The following PCLO variants were observed in gnomAD, a reference collection of about 807,000 sequenced individuals.
PCLO encodes the protein protein piccolo.
Under a neutral mutation model 427.5 loss-of-function variants are expected in PCLO, and 82 were observed. That is an observed-to-expected ratio of 0.19 (90% CI 0.16 to 0.23). The LOEUF is 0.23. PCLO is among the 10% of genes least tolerant of loss of function. PCLO has a pLI of 1.00. For missense variants in PCLO, 6,239 were observed against 6,115.9 expected (o/e 1.02, Z -0.67); for synonymous variants, 2,357 against 2,155.4 (o/e 1.09, Z -2.59).
At chr7:82,989,480 T>G (rs1562902001) in intron 3 of PCLO, among the ~76,000 whole-genome samples, 1 of 152,086 alleles carries the variant, frequency 6.6e-6, no homozygotes, top group Non-Finnish European at 1.5e-5. Context: ...TGATTCAAAT[T>G]AATATATTTG....
rs761740099 is a variant in PCLO, at chr7:83,156,056, C to G, written c.585G>C (p.Val195=). 5 of 1,613,340 alleles carry G rather than the reference C, an allele frequency of 3.1e-6. No homozygotes were observed. The South Asian group carries it at 4.4e-5, about 14-fold the overall frequency. Residue 195 remains valine (V), a synonymous_variant, in exon 2 of 25, where the codon GTG becomes GTC. Transcript: ENST00000333891. The part of the protein sequence containing the change: ...SQEETTKKQK[V]VQKEQGKPEG... The stretch of plus-strand genomic sequence containing the variant: ...CAGGTTTTCCTTGCTCCTTCTGAAC[C>G]ACTTTTTGTTTCTTGGTGGTTTCTT...
chr7:83,044,032 A>G (rs1221429013), intron 3 of PCLO, among the ~76,000 whole-genome samples: 2 of 151,338 alleles, frequency 1.3e-5, no homozygotes. Context: ...TTAAAAAAGA[A>G]GTTTAATTGA....
chr7:82,876,477 C>CACACAT (rs1447315935), intron 10 of PCLO, among the ~76,000 whole-genome samples: 1 of 150,250 alleles, frequency 6.7e-6, no homozygotes, highest in Non-Finnish European at 1.5e-5. Context: ...CACACACACA[C>CACACAT]ACACACACAC....
chr7:82,954,894 A>T lies in PCLO; in HGVS notation c.6059T>A (p.Leu2020Ter), dbSNP rs2116448555. The change falls in exon 5 of 25, where the codon TTA becomes TAA. Residue 2020 changes from leucine to a stop codon, truncating the protein, a stop_gained. Transcript: ENST00000333891. LOFTEE classifies it high-confidence loss of function. Reference sequence around the variant, plus strand: ...ATCTTCCTGAGGCACAACAGAATGTAAGCTTTCTAACTCATAAAACTCTTT... The same window carrying T: ...ATCTTCCTGAGGCACAACAGAATGTTAGCTTTCTAACTCATAAAACTCTTT... ...LQKEFYELES[L>*]HSVVPQEDIV... The T allele has an allele frequency of 6.2e-7, 1 of 1,613,850 alleles. No homozygotes were observed. Among genetic ancestry groups the T allele is most frequent in the Middle Eastern group, 1.7e-4 (1 of 6,060 alleles).
At chr7:82,882,471 T>G (rs1793531925) in intron 9 of PCLO, among the ~76,000 whole-genome samples, 1 of 152,154 alleles carries the variant, frequency 6.6e-6, no homozygotes, top group Non-Finnish European at 1.5e-5. Flanking sequence ...CTTGTTCTTG[T>G]GTTCACAGTA....
At chr7:82,812,233 T>C (rs1291994417) in intron 20 of PCLO, among the ~76,000 whole-genome samples, 1 of 151,540 alleles carries the variant, frequency 6.6e-6, no homozygotes. Flanking sequence ...TTATCTGGCT[T>C]TATAGATAAT....
intron 22 of PCLO, among the ~76,000 whole-genome samples, chr7:82,769,833 CCT>C (rs1288445314): frequency 2.7e-4 from 41 of 152,078 alleles, no homozygotes; most frequent in African/African-American, 9.4e-4. Context: ...CAGTCTATCA[CCT>C]CATAATTTGT....
intron 3 of PCLO, among the ~76,000 whole-genome samples, chr7:83,089,310 T>C (rs1213354829): frequency 6.6e-6 from 1 of 152,118 alleles, no homozygotes; most frequent in African/African-American, 2.4e-5. Flanking sequence ...TGAGATGACT[T>C]GTTCTATTTC....
chr7:82,952,215 T>C lies in PCLO; in HGVS notation c.8738A>G (p.Asp2913Gly). 1 of 1,613,844 alleles carries C rather than the reference T, an allele frequency of 6.2e-7. No homozygotes were observed. Among genetic ancestry groups the C allele is most frequent in the Non-Finnish European group, 8.5e-7 (1 of 1,179,850 alleles). ...TKSHRTVVTMDESTSSVMTKI... is the reference protein window; with the variant it reads ...TKSHRTVVTMGESTSSVMTKI... Reference sequence around the variant, plus strand: ...GGTCATCACACTTGAAGTAGACTCATCCATTGTTACGACTGTTCTGTGAGA... The same window carrying C: ...GGTCATCACACTTGAAGTAGACTCACCCATTGTTACGACTGTTCTGTGAGA... Residue 2913 changes from aspartate to glycine, a missense_variant, in exon 5 of 25, where the codon GAT becomes GGT. Around this residue, in one of 5 missense-constraint regions of PCLO, gnomAD observed 4,677 missense variants for 4,468.4 expected, o/e 1.05. Transcript: ENST00000333891.
chr7:82,845,571 G>A, intron 12 of PCLO, 86 bp from the exon 13 acceptor site: 7 of 839,634 alleles, frequency 8.3e-6, no homozygotes, highest in Non-Finnish European at 1.2e-5. Context: ...AGGTGACAAA[G>A]GTAAAACATT....
chr7:83,030,771 T>A (rs2116141588), intron 3 of PCLO, among the ~76,000 whole-genome samples: 1 of 152,294 alleles, frequency 6.6e-6, no homozygotes, highest in East Asian at 1.9e-4. Flanking sequence ...GGCCTTTCAA[T>A]CAGCCCAAAG....
intron 3 of PCLO, among the ~76,000 whole-genome samples, chr7:83,073,546 C>T (rs1296703124): frequency 6.6e-6 from 1 of 151,914 alleles, no homozygotes; most frequent in African/African-American, 2.4e-5. Context: ...TAGCTTTTTG[C>T]AGCTTCAATT....
At chr7:83,116,305 G>A (rs1216960943) in intron 3 of PCLO, among the ~76,000 whole-genome samples, 1 of 152,128 alleles carries the variant, frequency 6.6e-6, no homozygotes, top group Non-Finnish European at 1.5e-5. Flanking sequence ...TTTTAATAAC[G>A]TGGGCTTACG....
intron 1 of PCLO, among the ~76,000 whole-genome samples, chr7:83,158,708 G>A (rs1204155189): frequency 6.6e-6 from 1 of 151,936 alleles, no homozygotes. Context: ...GCTTGCACCA[G>A]GAATTATAAT....
intron 13 of PCLO, 110 bp from the exon 14 acceptor site, chr7:82,841,619 A>C (rs1440216326): frequency 1.4e-6 from 1 of 690,286 alleles, no homozygotes; most frequent in Non-Finnish European, 2.5e-6. Context: ...AACTGCTTGG[A>C]AAATATATTT....
At chr7:82,931,776 C>T (rs1794845892) in intron 6 of PCLO, among the ~76,000 whole-genome samples, 1 of 152,062 alleles carries the variant, frequency 6.6e-6, no homozygotes, top group Non-Finnish European at 1.5e-5. Flanking sequence ...ATTGACAGCC[C>T]ATCATTTATT....
chr7:82,836,891 T>A (rs1202795331), intron 15 of PCLO, among the ~76,000 whole-genome samples: 1 of 152,136 alleles, frequency 6.6e-6, no homozygotes, highest in African/African-American at 2.4e-5. Context: ...ACACTTCATA[T>A]AATTAAAATG....
chr7:82,919,646 G>C (rs1484465546), intron 6 of PCLO, among the ~76,000 whole-genome samples: 1 of 151,816 alleles, frequency 6.6e-6, no homozygotes, highest in African/African-American at 2.4e-5. Flanking sequence ...TTAACGGCTA[G>C]TTGAGAGAAA....
intron 2 of PCLO, among the ~76,000 whole-genome samples, chr7:83,151,423 A>G (rs1792126355): frequency 6.6e-6 from 1 of 152,178 alleles, no homozygotes; most frequent in South Asian, 2.1e-4. Context: ...ATACCTTCTC[A>G]TACAAATTTT....
Sources: gnomAD v4.1 joint callset for allele counts (sites outside exome capture counted in the v4.1 genomes callset) on GRCh38, gnomAD v4.1.1 for gene constraint, gnomAD v4.1.1 regional missense constraint, MANE v1.5 for transcripts, NCBI Gene and HGNC (gene_info 2026-07-23, HGNC 2026-07-21) for gene names.